Variants in RANGAP1 observed in about 807,000 individuals in gnomAD.
RANGAP1 encodes ran GTPase-activating protein 1.
A neutral mutation model predicts 63.5 loss-of-function variants in RANGAP1; 38 were observed. The ratio of observed to expected loss-of-function variants is 0.60; its 90% confidence interval spans 0.46 to 0.78. The LOEUF is 0.78. Ranked by LOEUF, RANGAP1 falls within the 30% of genes least tolerant of loss-of-function variation. RANGAP1 has a pLI of 0.00. For synonymous variants in RANGAP1, 329 were observed against 310.5 expected, an observed-to-expected ratio of 1.06 and a Z score of -0.63; for missense variants, 630 against 740.3, an observed-to-expected ratio of 0.85 and a Z score of 1.73.
chr22:41,249,720 C>T lies in RANGAP1; in HGVS notation c.1572+9G>A, dbSNP rs201414202. 3.2e-5 allele frequency: 51 copies of T among 1,609,882 alleles called. No homozygotes were observed. Among genetic ancestry groups the T allele is most frequent in the Admixed American group, 1.7e-4 (10 of 60,018 alleles). On this transcript the variant is annotated intron_variant, in intron 14 of 15. Transcript: ENST00000356244. The stretch of plus-strand genomic sequence containing the variant: ...TCCCTCCCGGGCCTGCTGTTCCTTC[C>T]GGCCTCACCTTGAGCAGACCCATGT...
chr22:41,277,381 A>T, intron 2 of RANGAP1: 1 of 1,022,054 alleles, frequency 9.8e-7, no homozygotes, highest in Non-Finnish European at 1.3e-6. Flanking sequence ...CCCGGCCGAA[A>T]GTGAGGATAT....
intron 10 of RANGAP1, among the ~76,000 whole-genome samples, chr22:41,255,450 T>TCC (rs2033764731): frequency 6.6e-6 from 1 of 151,862 alleles, no homozygotes; most frequent in Admixed American, 6.6e-5. Context: ...CCAGGTAGAC[T>TCC]CCCCAGGCCC....
intron 5 of RANGAP1, among the ~76,000 whole-genome samples, chr22:41,263,650 G>A (rs1217876567): frequency 1.3e-5 from 2 of 152,254 alleles, no homozygotes; most frequent in Non-Finnish European, 2.9e-5. Context: ...CTCCCAAAGT[G>A]CTGGGATTAC....
At chr22:41,260,919 T>C (rs530647736) in intron 6 of RANGAP1, among the ~76,000 whole-genome samples, 1 of 152,310 alleles carries the variant, frequency 6.6e-6, no homozygotes, top group East Asian at 1.9e-4. Context: ...AGCCTTCTGC[T>C]GGCACTCACG....
chr22:41,272,812 CTTTT>C (rs951444521), intron 3 of RANGAP1, among the ~76,000 whole-genome samples: 3 of 148,162 alleles, frequency 2.0e-5, no homozygotes, highest in African/African-American at 5.0e-5. Context: ...CCAGGCCCGG[CTTTT>C]TTTTTTCTTT....
intron 1 of RANGAP1, among the ~76,000 whole-genome samples, chr22:41,284,631 G>A (rs937043385): frequency 1.3e-5 from 2 of 151,986 alleles, no homozygotes; most frequent in Admixed American, 6.6e-5. Flanking sequence ...CAGCATTTCC[G>A]GAGGCTGAGG....
intron 6 of RANGAP1, among the ~76,000 whole-genome samples, chr22:41,261,046 A>G (rs539429836): frequency 6.6e-6 from 1 of 152,200 alleles, no homozygotes; most frequent in Admixed American, 6.5e-5. Context: ...GCCCCTGCCT[A>G]TCTCCCTGTC....
At chr22:41,297,339 C>G in the RANGAP1 span, among the ~76,000 whole-genome samples, 1 of 152,122 alleles carries the variant, frequency 6.6e-6, no homozygotes, top group Non-Finnish European at 1.5e-5. Context: ...GAGGCCCATC[C>G]ACCTTAGGGA....
chr22:41,279,902 A>G (rs914834500), intron 2 of RANGAP1, among the ~76,000 whole-genome samples: 2 of 151,866 alleles, frequency 1.3e-5, no homozygotes. Flanking sequence ...GTTCGAGAGC[A>G]TCCTGACCAA....
chr22:41,276,671 A>G (rs926448341), intron 2 of RANGAP1, among the ~76,000 whole-genome samples: 2 of 148,026 alleles, frequency 1.4e-5, no homozygotes, highest in Non-Finnish European at 3.0e-5. Flanking sequence ...GAACTCAGCT[A>G]TGTTCAGGAA....
chr22:41,259,782 T>C (rs752138902), intron 6 of RANGAP1, among the ~76,000 whole-genome samples: 1 of 152,168 alleles, frequency 6.6e-6, no homozygotes, highest in African/African-American at 2.4e-5. Context: ...GCGAGTGGAT[T>C]ACCTGAGGTC....
upstream of RANGAP1, among the ~76,000 whole-genome samples, chr22:41,287,252 C>T (rs2145872285): frequency 6.6e-6 from 1 of 152,162 alleles, no homozygotes; most frequent in Middle Eastern, 3.4e-3. Flanking sequence ...ATAGAGAAAG[C>T]AGAGACACAA....
intron 1 of RANGAP1, chr22:41,285,285 C>G (rs1052881501): frequency 6.3e-6 from 1 of 159,574 alleles, no homozygotes; most frequent in Non-Finnish European, 1.3e-5. Context: ...AGAATAGGGA[C>G]AGAACTTCTC....
chr22:41,285,442 G>T (rs182043480), intron 1 of RANGAP1: 12 of 935,702 alleles, frequency 1.3e-5, no homozygotes, highest in Admixed American at 1.2e-4. Context: ...CAGAGCAAAA[G>T]CAAAGGGCTA....
At chr22:41,283,634 T>TC (rs1413784270) in intron 1 of RANGAP1, among the ~76,000 whole-genome samples, 1 of 152,180 alleles carries the variant, frequency 6.6e-6, no homozygotes, top group African/African-American at 2.4e-5. Flanking sequence ...GGAACATGAT[T>TC]CCTGCAAAGG....
intron 3 of RANGAP1, among the ~76,000 whole-genome samples, chr22:41,269,388 C>T (rs765905532): frequency 3.3e-5 from 5 of 152,122 alleles, no homozygotes; most frequent in Admixed American, 1.3e-4. Context: ...ACCTAGTGTT[C>T]AATAGGTCAA....
At chr22:41,280,446 A>C (rs1351796438) in intron 2 of RANGAP1, among the ~76,000 whole-genome samples, 3 of 152,224 alleles carry the variant, frequency 2.0e-5, no homozygotes, top group Non-Finnish European at 4.4e-5. Flanking sequence ...ATACACACAG[A>C]CAGCCATCCC....
At position 41,257,878 on chromosome 22, in the gene RANGAP1, G is replaced by A; in HGVS notation, c.774+70C>T. On this transcript the variant is annotated intron_variant, in intron 7 of 15. Transcript: ENST00000356244. The surrounding 1 kb of genome is among the most constrained non-coding windows in gnomAD (Gnocchi z 4.0). ...GGAGTCCCTGCTAAACGGAGCCCCA[G>A]CTTCCCTGGAAAGACAGCAGCCAGC... is the stretch of plus-strand genomic sequence containing the variant. 6.6e-7 allele frequency: 1 copy of A among 1,505,948 alleles called. No individual in the cohort carries two copies. The highest frequency in any genetic ancestry group is 9.0e-7 in the Non-Finnish European group (1 of 1,111,630). 93.3% of individuals were successfully genotyped at this position (1,505,948 alleles called of 1,614,324 possible). A position where few individuals can be genotyped will look rare whatever the true frequency, so the allele number is the denominator to read the frequency against.
chr22:41,275,594 T>C (rs931744368), intron 2 of RANGAP1, among the ~76,000 whole-genome samples: 1 of 150,200 alleles, frequency 6.7e-6, no homozygotes, highest in African/African-American at 2.5e-5. Flanking sequence ...GCCTGACCAA[T>C]ATAGTGAAAC....
Sources: gnomAD v4.1 joint callset for allele counts (sites outside exome capture counted in the v4.1 genomes callset) on GRCh38, gnomAD v4.1.1 for gene constraint, Gnocchi (gnomAD v3.1) non-coding constraint, MANE v1.5 for transcripts, NCBI Gene and HGNC (gene_info 2026-07-23, HGNC 2026-07-21) for gene names.